SLC8A2: variants seen among roughly 807,000 people sequenced by gnomAD.
SLC8A2 encodes solute carrier family 8 member A2.
A neutral mutation model predicts 70.2 loss-of-function variants in SLC8A2; 14 were observed. The observed-to-expected ratio is 0.20, with a 90% CI of 0.13 to 0.31. The LOEUF (loss-of-function observed/expected upper bound fraction) is 0.31. Ranked by LOEUF, SLC8A2 falls within the 10% of genes least tolerant of loss-of-function variation. The pLI is 1.00. For synonymous variants in SLC8A2, 575 were observed against 594.3 expected, an observed-to-expected ratio of 0.97 and a Z score of 0.47; for missense variants, 779 against 1,320.1, an observed-to-expected ratio of 0.59 and a Z score of 6.35.
intron 4 of SLC8A2, 134 bp from the exon 5 acceptor site, chr19:47,441,574 T>C (rs1387000947): frequency 6.6e-6 from 4 of 610,264 alleles, no homozygotes; most frequent in Non-Finnish European, 1.2e-5. Context: ...CTCATTTACT[T>C]CTCACCACCA....
chr19:47,445,343 A>G (rs1967147852), intron 4 of SLC8A2, among the ~76,000 whole-genome samples: 1 of 152,162 alleles, frequency 6.6e-6, no homozygotes. Context: ...TCCTGACCTC[A>G]GATGATCCAC....
chr19:47,448,294 G>A lies in SLC8A2; in HGVS notation c.1341-63C>T, dbSNP rs1013891740. On this transcript the variant is annotated intron_variant, in intron 3 of 9. Coordinates refer to ENST00000236877, the MANE Select transcript of SLC8A2 (RefSeq NM_015063.3). This position sits in a 1 kb window ranked among gnomAD's most constrained non-coding sequence, Gnocchi z 4.8. Reference sequence around the variant, plus strand: ...GTCGGTCATCGGCTGTGTGTTGTACGGGGGGAGTCTGGACGTGCTTCCCAG... The same window carrying A: ...GTCGGTCATCGGCTGTGTGTTGTACAGGGGGAGTCTGGACGTGCTTCCCAG... 11 of 1,304,800 alleles carry A rather than the reference G, an allele frequency of 8.4e-6. No individual in the cohort carries two copies. The highest frequency in any genetic ancestry group is 2.3e-5 in the East Asian group (1 of 42,764). 80.8% of individuals were successfully genotyped at this position (1,304,800 alleles called of 1,614,324 possible).
At chr19:47,463,299 A>T (rs1163361224) in intron 2 of SLC8A2, among the ~76,000 whole-genome samples, 8 of 148,998 alleles carry the variant, frequency 5.4e-5, no homozygotes, top group Non-Finnish European at 1.2e-4. Flanking sequence ...CGCCCGGCTA[A>T]TTTTTTTGTA....
At chr19:47,440,471 G>A (rs1967086880) in intron 6 of SLC8A2, among the ~76,000 whole-genome samples, 1 of 152,128 alleles carries the variant, frequency 6.6e-6, no homozygotes, top group African/African-American at 2.4e-5. Flanking sequence ...CTGTTGCCCA[G>A]GCTGGAGTGC....
intron 2 of SLC8A2, among the ~76,000 whole-genome samples, chr19:47,463,029 C>T (rs1315614255): frequency 6.6e-6 from 1 of 152,102 alleles, no homozygotes; most frequent in Non-Finnish European, 1.5e-5. Context: ...CTCTGAAGCC[C>T]AGCTTATTCA....
chr19:47,430,143 G>T lies in SLC8A2; in HGVS notation c.2712C>A (p.Leu904=), dbSNP rs968891058. 2.5e-6 allele frequency: 4 copies of T among 1,594,528 alleles called. No homozygotes were observed. The highest frequency in any genetic ancestry group is 3.4e-6 in the Non-Finnish European group (4 of 1,170,584). ...ATTALFLGLW[L]LYILFASLEA... The stretch of plus-strand genomic sequence containing the variant: ...CCAGGCTGGCGAAGAGGATGTACAG[G>T]AGCCAGAGGCCCAGGAAGAGCGCGG... Residue 904 remains leucine (L), a synonymous_variant, in exon 10 of 10, where the codon CTC becomes CTA. Coordinates refer to ENST00000236877, the MANE Select transcript of SLC8A2 (RefSeq NM_015063.3). This position sits in a 1 kb window ranked among gnomAD's most constrained non-coding sequence, Gnocchi z 5.9.
At position 47,432,344 on chromosome 19, in the gene SLC8A2, C is replaced by T. The variant is rs1386137738; in HGVS notation, c.2212G>A (p.Ala738Thr). 1.9e-6 allele frequency: 3 copies of T among 1,614,074 alleles called. No individual in the cohort carries two copies. The highest frequency in any genetic ancestry group is 2.2e-5 in the East Asian group (1 of 44,874). ...FLTVFWKVLF[A>T]CVPPTEYCHG... ...CAGTACTCGGTGGGGGGCACACAGG[C>T]GAAGAGCACCTTCCAGAACACCGTC... The change falls in exon 9 of 10, where the codon GCC becomes ACC. Residue 738 changes from alanine to threonine, a missense_variant. Physicochemically the swap from Ala to Thr is moderately conservative, Grantham distance 58. This residue lies in a region of SLC8A2 where 108 missense variants were observed against 269.6 expected (regional missense o/e 0.40). Transcript: ENST00000236877. This position sits in a 1 kb window ranked among gnomAD's most constrained non-coding sequence, Gnocchi z 6.2.
chr19:47,463,398 G>T (rs1258867011), intron 2 of SLC8A2, among the ~76,000 whole-genome samples: 1 of 149,750 alleles, frequency 6.7e-6, no homozygotes, highest in Admixed American at 6.6e-5. Context: ...CTCCCAAAGT[G>T]CTGGGATTAC....
In SLC8A2 at chr19:47,430,064, T is replaced by G; in HGVS notation, c.*25A>C. On this transcript the variant is annotated 3_prime_UTR_variant, in exon 10 of 10. Transcript: ENST00000236877. This position sits in a 1 kb window ranked among gnomAD's most constrained non-coding sequence, Gnocchi z 5.9. ...CGAGTCCCTAGCCCCGGGCGGGCGGTGGGGACGAGTCTCTGCGCGAGGCCC... is the reference window on the plus strand; with the variant it reads ...CGAGTCCCTAGCCCCGGGCGGGCGGGGGGGACGAGTCTCTGCGCGAGGCCC... The G allele has an allele frequency of 6.4e-7, 1 of 1,559,270 alleles. No homozygotes were observed. The highest frequency in any genetic ancestry group is 8.7e-7 in the Non-Finnish European group (1 of 1,151,696).
chr19:47,467,379 A>G (rs528311963), intron 1 of SLC8A2, among the ~76,000 whole-genome samples: 36 of 152,302 alleles, frequency 2.4e-4, no homozygotes, highest in South Asian at 1.0e-3. Context: ...GCTCTTGCTC[A>G]GGATTTGGGC....
rs830132 is a variant in SLC8A2 at position 47,466,723 on chromosome 19, G to A, written c.-16-304C>T. On this transcript the variant is annotated intron_variant, in intron 1 of 9. Coordinates refer to ENST00000236877, the MANE Select transcript of SLC8A2 (RefSeq NM_015063.3). This position sits in a 1 kb window ranked among gnomAD's most constrained non-coding sequence, Gnocchi z 6.9. ...ATGCAATTCAGCAGTTTTGTTCCTC[G>A]GTATGTGCCTGAGAAATAGGTCCTT... 0.63 allele frequency among the ~76,000 whole-genome samples: 95,260 copies of A among 152,004 alleles called. 34,865 individuals carry two copies. Among genetic ancestry groups the A allele is most frequent in the Non-Finnish European group, 0.82 (55,546 of 67,976 alleles).
rs559210572 is a variant in SLC8A2 at position 47,466,796 on chromosome 19, G to A, written c.-16-377C>T. On this transcript the variant is annotated intron_variant, in intron 1 of 9. Transcript: ENST00000236877. This position sits in a 1 kb window ranked among gnomAD's most constrained non-coding sequence, Gnocchi z 6.9. ...AGAATGTTCATAGCAGGCCGGGTGCGGTGGCTACGCCTGTAATCCCTGAAC... is the reference window on the plus strand; with the variant it reads ...AGAATGTTCATAGCAGGCCGGGTGCAGTGGCTACGCCTGTAATCCCTGAAC... Among the ~76,000 whole-genome samples the A allele has an allele frequency of 1.1e-4, 16 of 152,298 alleles. No homozygotes were observed. Among genetic ancestry groups the A allele is most frequent in the African/African-American group, 2.9e-4 (12 of 41,570 alleles).
At chr19:47,441,078 C>A in intron 6 of SLC8A2, 91 bp downstream of exon 6, 2 of 1,291,218 alleles carry the variant, frequency 1.5e-6, no homozygotes, top group Non-Finnish European at 2.2e-6. Context: ...TCAAACCCAA[C>A]CTGGAAGAGT....
At chr19:47,453,939 A>C (rs1967274098) in intron 3 of SLC8A2, among the ~76,000 whole-genome samples, 1 of 152,070 alleles carries the variant, frequency 6.6e-6, no homozygotes. Context: ...AAAACAAAAC[A>C]AAACCACACC....
Position 47,461,121 on chromosome 19 carries a change from C to T in SLC8A2, c.676-3527G>A, listed in dbSNP as rs541672186. Among the ~76,000 whole-genome samples, 6 of 150,954 alleles carry T rather than the reference C, an allele frequency of 4.0e-5. No individual in the cohort carries two copies. In the South Asian group the frequency reaches 1.3e-3, roughly 32 times the overall value. On this transcript the variant is annotated intron_variant, in intron 2 of 9. Coordinates refer to ENST00000236877, the MANE Select transcript of SLC8A2 (RefSeq NM_015063.3). ...AGGAGAATCGCTTGAACCCGGGAGG[C>T]GGAGGTTGCAGTGAGCTGAGATCAC...
Position 47,430,325 on chromosome 19 carries a change from G to A in SLC8A2, c.2530C>T (p.Gln844Ter). ...GTGCGCACCTCGAAGGGGCGGCCCT[G>A]CACCGCCCAGTACACGGCGGCCACA... Reference protein sequence around the residue: ...WSVAAVYWAVQGRPFEVRTGT... With the variant: ...WSVAAVYWAV Residue 844 changes from glutamine (Q) to a stop codon, truncating the protein, a stop_gained, in exon 10 of 10, where the codon CAG becomes TAG. Transcript: ENST00000236877. LOFTEE classifies it high-confidence loss of function. The surrounding 1 kb of genome is among the most constrained non-coding windows in gnomAD (Gnocchi z 5.9). 6.2e-7 allele frequency: 1 copy of A among 1,612,276 alleles called. No homozygotes were observed. Among genetic ancestry groups the A allele is most frequent in the Non-Finnish European group, 8.5e-7 (1 of 1,179,380 alleles).
Position 47,468,400 on chromosome 19 carries a change from G to A in SLC8A2, c.-16-1981C>T, listed in dbSNP as rs368800612. The stretch of plus-strand genomic sequence containing the variant: ...CAGCCTCGACCTCCAGGGCTCAAGC[G>A]ACCCTCCCTCCTCAGCCTCCCAAGT... On this transcript the variant is annotated intron_variant, in intron 1 of 9. Coordinates refer to ENST00000236877, the MANE Select transcript of SLC8A2 (RefSeq NM_015063.3). The surrounding 1 kb of genome is among the most constrained non-coding windows in gnomAD (Gnocchi z 5.1). Among the ~76,000 whole-genome samples the A allele has an allele frequency of 5.1e-4, 78 of 152,274 alleles. 1 individual carries two copies. In the East Asian group the frequency reaches 9.1e-3, roughly 18 times the overall value.
chr19:47,436,515 G>A (rs1477903709), intron 8 of SLC8A2, among the ~76,000 whole-genome samples: 1 of 152,230 alleles, frequency 6.6e-6, no homozygotes, highest in African/African-American at 2.4e-5. Flanking sequence ...CTGCTGCCTT[G>A]TATTTTCCCA....
In SLC8A2 at chr19:47,458,880, CCT is replaced by C. The variant is rs749472362; in HGVS notation, c.676-1288_676-1287del. Among the ~76,000 whole-genome samples, 123 of 142,670 alleles carry C rather than the reference CCT, an allele frequency of 8.6e-4. 1 individual carries two copies. The highest frequency in any genetic ancestry group is 2.6e-4 in the Non-Finnish European group (17 of 65,210). 93.6% of individuals were successfully genotyped at this position (142,670 alleles called of 152,430 possible). A position where few individuals can be genotyped will look rare whatever the true frequency, so the allele number is the denominator to read the frequency against. ...TCTATTTCCCTCTTGTCTCTGTTCACCTCTCTCTCCCCATCTCTCTCTCTCCT... is the reference window on the plus strand; with the variant it reads ...TCTATTTCCCTCTTGTCTCTGTTCACCTCTCTCCCCATCTCTCTCTCTCCT... On this transcript the variant is annotated intron_variant, in intron 2 of 9. Transcript: ENST00000236877.
Sources: allele counts gnomAD v4.1 joint callset (sites outside exome capture counted in the v4.1 genomes callset), GRCh38; gene constraint gnomAD v4.1.1; regional missense constraint gnomAD v4.1.1; non-coding constraint Gnocchi (gnomAD v3.1); transcripts MANE v1.5; gene names NCBI Gene and HGNC (gene_info 2026-07-23, HGNC 2026-07-21).